The following GRID1 variants were observed in gnomAD, a reference collection of about 807,000 sequenced individuals.
GRID1 encodes the protein glutamate ionotropic receptor delta type subunit 1, also known as glutamate receptor ionotropic, delta-1.
In GRID1, 28 loss-of-function variants were observed where a neutral mutation model predicts 98.0. The observed-to-expected ratio is 0.29, with a 90% CI of 0.21 to 0.39. GRID1 has a LOEUF of 0.39. Ranked by LOEUF, GRID1 falls within the 10% of genes least tolerant of loss-of-function variation. The pLI, the probability that GRID1 is intolerant of heterozygous loss-of-function variation, is 1.00. For synonymous variants in GRID1, 553 were observed against 538.5 expected, an observed-to-expected ratio of 1.03 and a Z score of -0.37; for missense variants, 1,111 against 1,340.5, an observed-to-expected ratio of 0.83 and a Z score of 2.67.
chr10:85,613,869 C>G (rs1402915476), intron 14 of GRID1, among the ~76,000 whole-genome samples: 1 of 152,224 alleles, frequency 6.6e-6, no homozygotes, highest in African/African-American at 2.4e-5. Context: ...TCCCCAACAG[C>G]CCCTCTGCCC....
intron 8 of GRID1, among the ~76,000 whole-genome samples, chr10:85,795,388 A>G: frequency 6.6e-6 from 1 of 152,216 alleles, no homozygotes; most frequent in Non-Finnish European, 1.5e-5. Flanking sequence ...CAGTCTTACA[A>G]GACGCACCTC....
chr10:86,056,477 A>G (rs924794579), intron 4 of GRID1, among the ~76,000 whole-genome samples: 3 of 152,150 alleles, frequency 2.0e-5, no homozygotes, highest in Non-Finnish European at 2.9e-5. Flanking sequence ...AAGGGTGCCA[A>G]TCTTGAGTTC....
At chr10:85,673,826 C>CTTCTCGATTAA in intron 12 of GRID1, among the ~76,000 whole-genome samples, 1 of 152,340 alleles carries the variant, frequency 6.6e-6, no homozygotes, top group Admixed American at 6.5e-5. Flanking sequence ...TCAGATCACT[C>CTTCTCGATTAA]TTCTCGATTA....
Position 85,807,558 on chromosome 10 carries a change from GA to G in GRID1, c.1233+46937del, listed in dbSNP as rs371053069. Among the ~76,000 whole-genome samples, 421 of 151,824 alleles carry G rather than the reference GA, an allele frequency of 2.8e-3. 3 individuals are homozygous for G. Among genetic ancestry groups the G allele is most frequent in the African/African-American group, 9.3e-3 (386 of 41,416 alleles). ...TTAGAAAGAGATAAATATTCCCGTA[GA>G]AAAAATGAGAAATGGAAATGAATAT... On this transcript the variant is annotated intron_variant, in intron 8 of 15. Coordinates refer to ENST00000327946, the MANE Select transcript of GRID1 (RefSeq NM_017551.3).
intron 13 of GRID1, chr10:85,646,613 C>T (rs544793247): frequency 1.3e-5 from 2 of 156,118 alleles, no homozygotes; most frequent in East Asian, 3.8e-4. Context: ...CTTTCTCCTC[C>T]CTTCCTCCCT....
At chr10:86,330,583 C>T (rs566150131) in intron 2 of GRID1, among the ~76,000 whole-genome samples, 1 of 152,350 alleles carries the variant, frequency 6.6e-6, no homozygotes, top group Admixed American at 6.5e-5. Flanking sequence ...CGTTCTTGCC[C>T]CAACCACAGG....
At chr10:86,140,579 G>A (rs1162510542) in intron 3 of GRID1, among the ~76,000 whole-genome samples, 2 of 152,208 alleles carry the variant, frequency 1.3e-5, no homozygotes, top group Non-Finnish European at 1.5e-5. Flanking sequence ...CGAGGGAGAA[G>A]AGCAGAGCAC....
intron 4 of GRID1, among the ~76,000 whole-genome samples, chr10:86,081,729 T>C (rs1354885767): frequency 3.3e-5 from 5 of 152,172 alleles, no homozygotes; most frequent in Admixed American, 6.5e-5. Context: ...CGGAGGAAAC[T>C]TAAATGCATA....
chr10:85,830,944 C>A (rs1842862094), intron 8 of GRID1, among the ~76,000 whole-genome samples: 1 of 152,102 alleles, frequency 6.6e-6, no homozygotes, highest in Non-Finnish European at 1.5e-5. Context: ...TTTCACCCAG[C>A]AATTTCGTTA....
At chr10:86,042,279 T>A (rs181369980) in intron 4 of GRID1, among the ~76,000 whole-genome samples, 11 of 152,296 alleles carry the variant, frequency 7.2e-5, no homozygotes, top group African/African-American at 2.6e-4. Flanking sequence ...CTGAGAGAAG[T>A]CAGCCTGGCC....
rs887349659 is a variant in GRID1, at chr10:86,169,547, G to C, written c.521-30523C>G. Among the ~76,000 whole-genome samples, 8 of 152,162 alleles carry C rather than the reference G, an allele frequency of 5.3e-5. No homozygotes were observed. The East Asian group carries it at 1.3e-3, about 26-fold the overall frequency. On this transcript the variant is annotated intron_variant, in intron 3 of 15. Transcript: ENST00000327946. ...GAAGGGATGCTGCCAAGGAGAAAAC[G>C]AGGGTGGGAACCAAAGCCTGAAACC... is the stretch of plus-strand genomic sequence containing the variant.
At chr10:85,617,652 C>T (rs1490333675) in intron 14 of GRID1, among the ~76,000 whole-genome samples, 2 of 152,224 alleles carry the variant, frequency 1.3e-5, no homozygotes, top group Non-Finnish European at 2.9e-5. Context: ...CTGTGGGAAG[C>T]CAGCACAGGC....
chr10:86,157,232 C>A (rs1317721702), intron 3 of GRID1, among the ~76,000 whole-genome samples: 2 of 152,180 alleles, frequency 1.3e-5, no homozygotes, highest in Non-Finnish European at 2.9e-5. Flanking sequence ...TGAGTCCAAA[C>A]ATGATCAGGA....
At position 86,346,923 on chromosome 10, in the gene GRID1, A is replaced by G. The variant is rs73342238; in HGVS notation, c.235+17018T>C. ...GCTGGGGAAGACTGAAACCAGGTAC[A>G]AGAGCATACATGGCAGCTACATAGT... On this transcript the variant is annotated intron_variant, in intron 2 of 15. Transcript: ENST00000327946. 9.1e-3 allele frequency among the ~76,000 whole-genome samples: 1,391 copies of G among 152,306 alleles called. 13 individuals carry two copies. The highest frequency in any genetic ancestry group is 0.022 in the South Asian group (108 of 4,822).
chr10:86,062,849 C>T (rs1236030236), intron 4 of GRID1, among the ~76,000 whole-genome samples: 3 of 152,248 alleles, frequency 2.0e-5, no homozygotes, highest in Admixed American at 6.5e-5. Context: ...TGACCACATG[C>T]CCAGGGCTAA....
chr10:86,307,957 T>C (rs1676888817), intron 2 of GRID1, among the ~76,000 whole-genome samples: 1 of 152,228 alleles, frequency 6.6e-6, no homozygotes, highest in Admixed American at 6.5e-5. Context: ...TACAATCTCC[T>C]GTTTTTAACT....
intron 2 of GRID1, among the ~76,000 whole-genome samples, chr10:86,235,678 G>C (rs1846526811): frequency 6.6e-6 from 1 of 152,170 alleles, no homozygotes; most frequent in African/African-American, 2.4e-5. Context: ...CTTTCACTTA[G>C]AATAATGTTT....
chr10:85,706,904 GC>G (rs1401715364), intron 12 of GRID1, among the ~76,000 whole-genome samples: 1 of 152,172 alleles, frequency 6.6e-6, no homozygotes, highest in East Asian at 1.9e-4. Flanking sequence ...AAACTGGCTA[GC>G]CATATGTAGA....
chr10:85,753,492 T>A (rs183590652), intron 8 of GRID1, among the ~76,000 whole-genome samples: 67 of 152,318 alleles, frequency 4.4e-4, no homozygotes, highest in Non-Finnish European at 6.5e-4. Flanking sequence ...GCCCACTCCC[T>A]GTGTCTTCCT....
Sources: allele counts gnomAD v4.1 joint callset (sites outside exome capture counted in the v4.1 genomes callset), GRCh38; gene constraint gnomAD v4.1.1; transcripts MANE v1.5; gene names NCBI Gene and HGNC (gene_info 2026-07-23, HGNC 2026-07-21).